Variants in VIRMA observed in about 807,000 individuals in gnomAD.
VIRMA encodes the protein vir like m6A methyltransferase associated, also known as protein virilizer homolog.
Under a neutral mutation model 182.4 loss-of-function variants are expected in VIRMA, and 65 were observed. The observed-to-expected ratio is 0.36, with a 90% CI of 0.29 to 0.44. The LOEUF (loss-of-function observed/expected upper bound fraction) is 0.44. Ranked by LOEUF, VIRMA falls within the 20% of genes least tolerant of loss-of-function variation. VIRMA has a pLI of 1.00. For missense variants in VIRMA, 1,752 were observed against 2,158.1 expected (o/e 0.81, Z 3.73); for synonymous variants, 709 against 743.1 (o/e 0.95, Z 0.75).
chr8:94,541,475 A>T (rs1225168987), intron 2 of VIRMA, among the ~76,000 whole-genome samples: 1 of 152,188 alleles, frequency 6.6e-6, no homozygotes, highest in African/African-American at 2.4e-5. Context: ...ACACTATTAT[A>T]AAGTATGCCC....
chr8:94,545,095 CACTCCAGCCTGGGTGACAAAGTAAG>C (rs1363670639), intron 1 of VIRMA, among the ~76,000 whole-genome samples: 2 of 151,988 alleles, frequency 1.3e-5, no homozygotes, highest in African/African-American at 4.8e-5. Context: ...CGCCTCACTG[CACTCCAGCCTGGGTGACAAAGTAAG>C]ACTCCATCCT....
intron 11 of VIRMA, 120 bp from the exon 12 acceptor site, chr8:94,512,209 A>G (rs1054900130): frequency 2.7e-6 from 1 of 368,792 alleles, no homozygotes; most frequent in African/African-American, 2.1e-5. Flanking sequence ...ACAATATTTT[A>G]TATTTATTAA....
chr8:94,518,216 C>T (rs1199970428), intron 9 of VIRMA, among the ~76,000 whole-genome samples: 1 of 152,182 alleles, frequency 6.6e-6, no homozygotes, highest in Admixed American at 6.5e-5. Context: ...GAAATATTAA[C>T]AAGTATACTT....
In VIRMA at chr8:94,488,063, A is replaced by G. The variant is rs1813501930; in HGVS notation, c.*643T>C. 1 of 152,244 alleles carries G rather than the reference A, an allele frequency of 6.6e-6. No individual in the cohort carries two copies. The highest frequency in any genetic ancestry group is 2.4e-5 in the African/African-American group (1 of 41,458). The allele number at this position is 152,244 out of a possible 1,614,324, so 9.4% of individuals were successfully genotyped here. On this transcript the variant is annotated 3_prime_UTR_variant, in exon 24 of 24. Transcript: ENST00000297591. ...ATATTTTAAAATTTTTGAGAAAAAC[A>G]TAGCAACACCTGTTGGACATCACAT...
chr8:94,495,043 C>A, intron 19 of VIRMA, 87 bp from the exon 20 acceptor site: 1 of 878,036 alleles, frequency 1.1e-6, no homozygotes, highest in South Asian at 1.4e-5. Context: ...TTGCTGTTAC[C>A]CAGCTGGAGC....
chr8:94,510,337 T>C (rs1814319185), intron 14 of VIRMA, 80 bp downstream of exon 14: 1 of 1,098,030 alleles, frequency 9.1e-7, no homozygotes, highest in South Asian at 1.4e-5. Flanking sequence ...TTCCAAACCC[T>C]AGTTTCCAAA....
Position 94,510,467 on chromosome 8 carries a change from T to G in VIRMA, c.3576A>C (p.Ala1192=), listed in dbSNP as rs1234293019. Residue 1192 remains alanine, a synonymous_variant, in exon 14 of 24, where the codon GCA becomes GCC. Coordinates refer to ENST00000297591, the MANE Select transcript of VIRMA (RefSeq NM_015496.5). Reference sequence around the variant, plus strand: ...CCAACACAGTTCTCATAATCAGAAGTGCAGTTGGTGAGGCAAGGTCACACA... The same window carrying G: ...CCAACACAGTTCTCATAATCAGAAGGGCAGTTGGTGAGGCAAGGTCACACA... The part of the protein sequence containing the change: ...VQLCDLASPT[A]LLIMRTVLDL... 2 of 1,614,020 alleles carry G rather than the reference T, an allele frequency of 1.2e-6. No homozygotes were observed. The highest frequency in any genetic ancestry group is 3.3e-5 in the Admixed American group (2 of 59,984).
chr8:94,496,555 T>C (rs1043671562), intron 17 of VIRMA, 75 bp from the exon 18 acceptor site: 46 of 1,212,744 alleles, frequency 3.8e-5, no homozygotes, highest in Admixed American at 6.4e-5. Context: ...ATTCATATTA[T>C]CTAAGCCATA....
At chr8:94,520,958 C>T (rs901164576) in intron 8 of VIRMA, among the ~76,000 whole-genome samples, 13 of 152,186 alleles carry the variant, frequency 8.5e-5, no homozygotes, top group African/African-American at 3.1e-4. Context: ...ACTCAAACTC[C>T]TGGTCTTAAG....
chr8:94,543,784 A>C lies in VIRMA; in HGVS notation c.179+43T>G, dbSNP rs747014325. On this transcript the variant is annotated intron_variant, in intron 2 of 23. Coordinates refer to ENST00000297591, the MANE Select transcript of VIRMA (RefSeq NM_015496.5). The stretch of plus-strand genomic sequence containing the variant: ...GCATTTAAGAATATGTTTCTAAGAC[A>C]ATCTTTAACCAAAAAATACTTTTAA... 36 of 1,087,496 alleles carry C rather than the reference A, an allele frequency of 3.3e-5. No homozygotes were observed. The East Asian group carries it at 7.1e-4, about 22-fold the overall frequency. The allele number at this position is 1,087,496 out of a possible 1,614,324, so 67.4% of individuals were successfully genotyped here.
At chr8:94,508,287 T>C (rs1345291257) in intron 15 of VIRMA, among the ~76,000 whole-genome samples, 1 of 152,080 alleles carries the variant, frequency 6.6e-6, no homozygotes, top group Non-Finnish European at 1.5e-5. Flanking sequence ...GGTTTCACCA[T>C]ATTGGCCAGG....
intron 5 of VIRMA, 116 bp from the exon 6 acceptor site, chr8:94,531,201 T>C (rs2031769929): frequency 8.7e-7 from 1 of 1,143,386 alleles, no homozygotes; most frequent in South Asian, 2.1e-5. Context: ...CAAAGAGAGA[T>C]CTAAAATATG....
intron 5 of VIRMA, among the ~76,000 whole-genome samples, 171 bp from the exon 6 acceptor site, chr8:94,531,256 G>A (rs1815163158): frequency 6.6e-6 from 1 of 152,092 alleles, no homozygotes; most frequent in East Asian, 1.9e-4. Context: ...TGGGCTGACT[G>A]TCTGTATATG....
chr8:94,526,002 C>A (rs1159166495), intron 8 of VIRMA, among the ~76,000 whole-genome samples: 1 of 152,174 alleles, frequency 6.6e-6, no homozygotes, highest in Non-Finnish European at 1.5e-5. Flanking sequence ...TTACTAAAAT[C>A]TTTCACTGAA....
chr8:94,515,077 G>T, intron 10 of VIRMA, 126 bp from the exon 11 acceptor site: 4 of 500,964 alleles, frequency 8.0e-6, no homozygotes, highest in Non-Finnish European at 1.4e-5. Flanking sequence ...ACTTCATGCA[G>T]GGATGGACAT....
In VIRMA at chr8:94,553,399, G is replaced by A. The variant is rs746575924; in HGVS notation, c.49C>T (p.His17Tyr). The A allele has an allele frequency of 2.5e-6, 4 of 1,614,178 alleles. No individual in the cohort carries two copies. The Admixed American group carries it at 5.0e-5, about 20-fold the overall frequency. ...MELLFLDTFK[H>Y]PSAEQSSHID... is the part of the protein sequence containing the mutation. ...CCAAGCCTTACCTCAGCGCTCGGGT[G>A]TTTAAAAGTATCTAAAAATAACAGC... The change falls in exon 1 of 24, where the codon CAC (histidine) becomes TAC (tyrosine). Residue 17 changes from histidine to tyrosine, a missense_variant. By Grantham distance (83) the His-to-Tyr change is moderately conservative (BLOSUM62 2). Transcript: ENST00000297591.
chr8:94,506,085 G>A (rs1814143244), intron 16 of VIRMA, among the ~76,000 whole-genome samples: 1 of 152,180 alleles, frequency 6.6e-6, no homozygotes, highest in South Asian at 2.1e-4. Context: ...AGCATCTGTA[G>A]ATTTTGGTAT....
At chr8:94,502,779 T>G (rs1814037129) in intron 16 of VIRMA, among the ~76,000 whole-genome samples, 2 of 152,134 alleles carry the variant, frequency 1.3e-5, no homozygotes, top group Non-Finnish European at 2.9e-5. Flanking sequence ...TAAAAAATTT[T>G]TTTTTAAGTC....
chr8:94,507,767 C>CA (rs1339952658), intron 15 of VIRMA, among the ~76,000 whole-genome samples: 1 of 151,112 alleles, frequency 6.6e-6, no homozygotes, highest in African/African-American at 2.4e-5. Flanking sequence ...AACAAACAAA[C>CA]AAAAAAACAA....
Sources: allele counts gnomAD v4.1 joint callset (sites outside exome capture counted in the v4.1 genomes callset), GRCh38; gene constraint gnomAD v4.1.1; transcripts MANE v1.5; gene names NCBI Gene and HGNC (gene_info 2026-07-23, HGNC 2026-07-21).